MYO3B: variants seen among roughly 807,000 people sequenced by gnomAD.
MYO3B encodes the protein myosin-IIIb.
MYO3B carries 156 observed loss-of-function variants against 174.6 expected under a neutral mutation model. The observed-to-expected ratio is 0.89, with a 90% CI of 0.78 to 1.02. MYO3B has a LOEUF of 1.02. Among genes scored for constraint, MYO3B ranks in the 50% least tolerant of loss-of-function variants. MYO3B has a pLI of 0.00. For missense variants in MYO3B, 1,632 were observed against 1,639.4 expected (o/e 1.00, Z 0.08); for synonymous variants, 563 against 569.1 (o/e 0.99, Z 0.15).
intron 30 of MYO3B, among the ~76,000 whole-genome samples, chr2:170,530,214 TAG>T (rs1320417978): frequency 1.3e-5 from 2 of 152,148 alleles, no homozygotes; most frequent in East Asian, 3.9e-4. Context: ...CAGAGAGCAA[TAG>T]AGAGCTCTCG....
chr2:170,493,194 G>A (rs73025041), intron 25 of MYO3B, among the ~76,000 whole-genome samples: 9,663 of 152,128 alleles, frequency 0.064, 957 homozygotes, highest in African/African-American at 0.21. Context: ...ATCTAAACAA[G>A]CAAAAGCTAA....
At chr2:170,263,438 T>C (rs1266306490) in intron 7 of MYO3B, among the ~76,000 whole-genome samples, 1 of 152,026 alleles carries the variant, frequency 6.6e-6, no homozygotes, top group Non-Finnish European at 1.5e-5. Context: ...CCGGCACCAG[T>C]CTCTGAATTC....
chr2:170,454,929 A>G (rs1251965644), intron 23 of MYO3B, among the ~76,000 whole-genome samples: 1 of 152,092 alleles, frequency 6.6e-6, no homozygotes, highest in African/African-American at 2.4e-5. Context: ...GGGAGTTGAA[A>G]CTGTCCTCTT....
At chr2:170,555,493 A>G (rs6748534) in intron 32 of MYO3B, among the ~76,000 whole-genome samples, 120,969 of 152,072 alleles carry the variant, frequency 0.8, 48,636 homozygotes, top group African/African-American at 0.87. Context: ...TAGTGCCTCC[A>G]TAGCTTTGCC....
chr2:170,386,140 T>A (rs1553478996), intron 12 of MYO3B, 49 bp from the exon 13 acceptor site: 1 of 1,508,058 alleles, frequency 6.6e-7, no homozygotes, highest in Non-Finnish European at 9.2e-7. Flanking sequence ...GCATGCAAGT[T>A]GCTTCTGTGC....
In MYO3B at chr2:170,516,509, G is replaced by A. The variant is rs554573155; in HGVS notation, c.3472+1487G>A. ...ATACAAAAAATTAGGCGGGCATGGC[G>A]GCAGGCACCTGTAGTCCCAGCTGCT... On this transcript the variant is annotated intron_variant, in intron 29 of 34. Coordinates refer to ENST00000408978, the MANE Select transcript of MYO3B (RefSeq NM_138995.5). 8.2e-4 allele frequency among the ~76,000 whole-genome samples: 125 copies of A among 152,064 alleles called. 1 individual carries two copies. Among genetic ancestry groups the A allele is most frequent in the Middle Eastern group, 3.4e-3 (1 of 294 alleles).
intron 8 of MYO3B, among the ~76,000 whole-genome samples, chr2:170,366,071 A>C (rs2094195817): frequency 6.6e-6 from 1 of 152,108 alleles, no homozygotes; most frequent in Non-Finnish European, 1.5e-5. Flanking sequence ...TGCTTTTTGC[A>C]TGCAGTGGTG....
chr2:170,622,200 A>G (rs1695980999), intron 32 of MYO3B, among the ~76,000 whole-genome samples: 1 of 152,248 alleles, frequency 6.6e-6, no homozygotes, highest in Non-Finnish European at 1.5e-5. Context: ...GAAAATCAGT[A>G]ATTTCCAATG....
intron 32 of MYO3B, among the ~76,000 whole-genome samples, chr2:170,587,396 A>G (rs1693553932): frequency 6.6e-6 from 1 of 152,202 alleles, no homozygotes; most frequent in African/African-American, 2.4e-5. Flanking sequence ...CTTATGGCTA[A>G]TGTTGCCAGT....
intron 25 of MYO3B, among the ~76,000 whole-genome samples, chr2:170,466,950 AT>A (rs1684677310): frequency 6.6e-6 from 1 of 152,154 alleles, no homozygotes; most frequent in African/African-American, 2.4e-5. Flanking sequence ...ATATACGTTT[AT>A]ATGTTATAAA....
intron 3 of MYO3B, among the ~76,000 whole-genome samples, chr2:170,202,763 T>C (rs866883190): frequency 1.3e-5 from 2 of 152,298 alleles, no homozygotes; most frequent in African/African-American, 4.8e-5. Flanking sequence ...TTTTAAGGCA[T>C]GCTTTAGGGG....
At chr2:170,552,405 A>G (rs1304483405) in intron 32 of MYO3B, among the ~76,000 whole-genome samples, 3 of 152,198 alleles carry the variant, frequency 2.0e-5, no homozygotes, top group African/African-American at 7.2e-5. Context: ...CACTCTTGCT[A>G]TGCTTATCAA....
At chr2:170,263,869 G>A (rs752203664) in intron 7 of MYO3B, among the ~76,000 whole-genome samples, 6 of 152,092 alleles carry the variant, frequency 3.9e-5, no homozygotes, top group Non-Finnish European at 5.9e-5. Context: ...CCGGTATCTC[G>A]GGCTGGGGGA....
intron 13 of MYO3B, 24 bp from the exon 14 acceptor site, chr2:170,387,082 T>C (rs2105753033): frequency 6.2e-7 from 1 of 1,613,032 alleles, no homozygotes; most frequent in Non-Finnish European, 8.5e-7. Context: ...GAGTCTCTTC[T>C]TGACCGTTCT....
At chr2:170,439,074 TG>T (rs1294704383) in intron 22 of MYO3B, among the ~76,000 whole-genome samples, 3 of 136,936 alleles carry the variant, frequency 2.2e-5, no homozygotes, top group Admixed American at 7.5e-5. Context: ...ATATTTAAAT[TG>T]TTTTTTTTTT....
intron 4 of MYO3B, 27 bp downstream of exon 4, chr2:170,214,510 G>C: frequency 6.3e-7 from 1 of 1,598,056 alleles, no homozygotes; most frequent in Non-Finnish European, 8.6e-7. Context: ...AATGGGGTAT[G>C]ACAGCAGATG....
At chr2:170,420,752 G>A (rs1308659521) in intron 22 of MYO3B, among the ~76,000 whole-genome samples, 1 of 152,088 alleles carries the variant, frequency 6.6e-6, no homozygotes, top group African/African-American at 2.4e-5. Context: ...ACCAGAAACT[G>A]GGTCTCCTGT....
intron 8 of MYO3B, among the ~76,000 whole-genome samples, chr2:170,338,947 AG>A (rs1248215949): frequency 6.6e-6 from 1 of 152,176 alleles, no homozygotes; most frequent in Non-Finnish European, 1.5e-5. Context: ...TGCTGATACT[AG>A]GCTGCCATTA....
At chr2:170,298,295 G>C (rs2093641039) in intron 7 of MYO3B, among the ~76,000 whole-genome samples, 1 of 152,038 alleles carries the variant, frequency 6.6e-6, no homozygotes, top group South Asian at 2.1e-4. Flanking sequence ...TCACACCCCT[G>C]GTAAGATTGG....
Sources: gnomAD v4.1 joint callset for allele counts (sites outside exome capture counted in the v4.1 genomes callset) on GRCh38, gnomAD v4.1.1 for gene constraint, MANE v1.5 for transcripts, NCBI Gene and HGNC (gene_info 2026-07-23, HGNC 2026-07-21) for gene names.